The following PDS5B variants were observed in gnomAD, a reference collection of about 807,000 sequenced individuals.
PDS5B encodes sister chromatid cohesion protein PDS5 homolog B.
Under a neutral mutation model 184.1 loss-of-function variants are expected in PDS5B, and 51 were observed. The ratio of observed to expected loss-of-function variants is 0.28; its 90% CI spans 0.22 to 0.35. The LOEUF is 0.35. Ranked by LOEUF, PDS5B falls within the 10% of genes least tolerant of loss-of-function variation. PDS5B has a pLI of 1.00. For missense variants in PDS5B, 1,180 were observed against 1,723.3 expected, an observed-to-expected ratio of 0.68 and a Z score of 5.58; for synonymous variants, 566 against 569.2, an observed-to-expected ratio of 0.99 and a Z score of 0.08.
At position 32,773,270 on chromosome 13, in the gene PDS5B, T is replaced by C; in HGVS notation, c.4254T>C (p.Pro1418=). ...TAGATGTGTTTCAGGGTAGCTCTCCTGTCGATGATATTCCACAGGAAGAAA... is the reference window on the plus strand; with the variant it reads ...TAGATGTGTTTCAGGGTAGCTCTCCCGTCGATGATATTCCACAGGAAGAAA... ...EEVDVFQGSS[P]VDDIPQEETE... The change falls in exon 34 of 35, where the codon CCT becomes CCC. Residue 1418 remains proline (P), a synonymous_variant. Coordinates refer to ENST00000315596, the MANE Select transcript of PDS5B (RefSeq NM_015032.4). 1.9e-6 allele frequency: 3 copies of C among 1,613,342 alleles called. No homozygotes were observed. Among genetic ancestry groups the C allele is most frequent in the Non-Finnish European group, 2.5e-6 (3 of 1,179,564 alleles).
chr13:32,747,368 A>G (rs999799386), intron 24 of PDS5B, among the ~76,000 whole-genome samples: 6 of 151,950 alleles, frequency 3.9e-5, no homozygotes, highest in Admixed American at 2.0e-4. Flanking sequence ...CCACTTATGT[A>G]TAACTCTCTA....
intron 21 of PDS5B, among the ~76,000 whole-genome samples, chr13:32,739,146 A>G (rs562228378): frequency 1.1e-4 from 16 of 152,070 alleles, no homozygotes; most frequent in South Asian, 6.2e-4. Context: ...ACAAAAATCA[A>G]TCCATCTGGA....
At chr13:32,678,092 C>G (rs1212218029) in intron 9 of PDS5B, among the ~76,000 whole-genome samples, 1 of 151,996 alleles carries the variant, frequency 6.6e-6, no homozygotes, top group Non-Finnish European at 1.5e-5. Context: ...AGAGAGGAGC[C>G]TGTTAATTCA....
At chr13:32,608,388 C>T (rs2140502015) in intron 1 of PDS5B, among the ~76,000 whole-genome samples, 1 of 152,246 alleles carries the variant, frequency 6.6e-6, no homozygotes, top group South Asian at 2.1e-4. Flanking sequence ...TAGTCTAACC[C>T]TAAATTACAC....
chr13:32,589,114 A>G (rs895271228), intron 1 of PDS5B, among the ~76,000 whole-genome samples: 1 of 152,222 alleles, frequency 6.6e-6, no homozygotes, highest in African/African-American at 2.4e-5. Flanking sequence ...GTTAGTGTTA[A>G]AGAGCAACAA....
intron 1 of PDS5B, among the ~76,000 whole-genome samples, chr13:32,635,001 CTTT>C (rs4057820): frequency 8.9e-4 from 115 of 129,084 alleles, no homozygotes; most frequent in Admixed American, 1.1e-3. Flanking sequence ...CTTACTGCCT[CTTT>C]TTTTTTTTTT....
intron 1 of PDS5B, among the ~76,000 whole-genome samples, chr13:32,602,484 A>C (rs2057992123): frequency 6.6e-6 from 1 of 152,082 alleles, no homozygotes; most frequent in Non-Finnish European, 1.5e-5. Context: ...CATTTTCTTA[A>C]TCCAGTCTAT....
At chr13:32,758,681 A>C (rs1176996689) in intron 28 of PDS5B, 28 bp downstream of exon 28, 1 of 1,609,172 alleles carries the variant, frequency 6.2e-7, no homozygotes, top group Non-Finnish European at 8.5e-7. Flanking sequence ...TGTTTGTGTA[A>C]GTTGAAATAA....
chr13:32,651,983 T>G lies in PDS5B; in HGVS notation c.288T>G (p.Pro96=). ...DIFRIYAPEA[P]YTSPDKLKDI... is the part of the protein sequence containing the mutation. ...TCAGGATTTATGCTCCTGAAGCTCC[T>G]TACACATCCCCTGATAAACTAAAGG... Residue 96 remains proline, a synonymous_variant, in exon 3 of 35, where the codon CCT becomes CCG. Transcript: ENST00000315596. 1.2e-6 allele frequency: 2 copies of G among 1,612,722 alleles called. No individual in the cohort carries two copies. Among genetic ancestry groups the G allele is most frequent in the Non-Finnish European group, 1.7e-6 (2 of 1,178,798 alleles).
At chr13:32,646,079 GCTGTGGCTTTGACTTC>G (rs1950215087) in intron 1 of PDS5B, among the ~76,000 whole-genome samples, 1 of 152,020 alleles carries the variant, frequency 6.6e-6, no homozygotes, top group Non-Finnish European at 1.5e-5. Context: ...ATCATGGCTT[GCTGTGGCTTTGACTTC>G]CTGGGCTTAA....
chr13:32,593,566 A>G (rs1489408460), intron 1 of PDS5B, among the ~76,000 whole-genome samples: 1 of 152,058 alleles, frequency 6.6e-6, no homozygotes, highest in South Asian at 2.1e-4. Context: ...GTCTTCAACT[A>G]CTGACCTCAG....
chr13:32,772,656 TAAG>T (rs1954829306), intron 33 of PDS5B, among the ~76,000 whole-genome samples: 1 of 152,144 alleles, frequency 6.6e-6, no homozygotes, highest in Admixed American at 6.6e-5. Flanking sequence ...TATACTTTGT[TAAG>T]GAGGTTTACA....
rs1489148936 is a variant in PDS5B, at chr13:32,638,635, CAG to C, written c.-19-10117_-19-10116del. Among the ~76,000 whole-genome samples, 4 of 125,540 alleles carry C rather than the reference CAG, an allele frequency of 3.2e-5. 1 individual carries two copies. In the Admixed American group the frequency reaches 3.4e-4, roughly 11 times the overall value. The allele number at this position is 125,540 out of a possible 152,430, so 82.4% of individuals were successfully genotyped here. The stretch of plus-strand genomic sequence containing the variant: ...TGAATGCCTTCCATCCATCCAATAA[CAG>C]AATATATTTGAATGCTGAGAGAGTA... On this transcript the variant is annotated intron_variant, in intron 1 of 34. Coordinates refer to ENST00000315596, the MANE Select transcript of PDS5B (RefSeq NM_015032.4).
At chr13:32,587,700 C>T (rs1462991611) in intron 1 of PDS5B, among the ~76,000 whole-genome samples, 3 of 152,234 alleles carry the variant, frequency 2.0e-5, no homozygotes, top group Non-Finnish European at 4.4e-5. Context: ...CCACGCGCGT[C>T]TTCAACAGCC....
chr13:32,596,356 G>T (rs1253221308), intron 1 of PDS5B, among the ~76,000 whole-genome samples: 1 of 152,166 alleles, frequency 6.6e-6, no homozygotes. Flanking sequence ...GGGGTTGGAT[G>T]TATCAGTTTT....
chr13:32,667,953 G>C, intron 7 of PDS5B, 109 bp downstream of exon 7: 1 of 525,682 alleles, frequency 1.9e-6, no homozygotes, highest in African/African-American at 2.0e-5. Flanking sequence ...CAACAAATTT[G>C]TGTTGTTTTA....
rs3493 is a variant in PDS5B at position 32,775,230 on chromosome 13, A to G, written c.*178A>G. The G allele has an allele frequency of 3.0e-5, 18 of 595,796 alleles. No homozygotes were observed. The highest frequency in any genetic ancestry group is 2.4e-4 in the South Asian group (11 of 46,740). 36.9% of individuals were successfully genotyped at this position (595,796 alleles called of 1,614,324 possible). ...TTGTGGTCACATGCTTTAGCCATAC[A>G]CATGGTAACATTGACTATGGAGTCT... is the stretch of plus-strand genomic sequence containing the variant. On this transcript the variant is annotated 3_prime_UTR_variant, in exon 35 of 35. Transcript: ENST00000315596.
chr13:32,688,411 A>G, intron 12 of PDS5B, 45 bp from the exon 13 acceptor site: 1 of 937,764 alleles, frequency 1.1e-6, no homozygotes, highest in Middle Eastern at 2.2e-4. Flanking sequence ...CAACTTTAGA[A>G]CATTAGAAAA....
At chr13:32,591,467 A>G (rs1434088262) in intron 1 of PDS5B, among the ~76,000 whole-genome samples, 1 of 152,162 alleles carries the variant, frequency 6.6e-6, no homozygotes, top group Non-Finnish European at 1.5e-5. Context: ...GTTAAGTCAC[A>G]AGCTCTTTTC....
Sources: allele counts gnomAD v4.1 joint callset (sites outside exome capture counted in the v4.1 genomes callset), GRCh38; gene constraint gnomAD v4.1.1; transcripts MANE v1.5; gene names NCBI Gene and HGNC (gene_info 2026-07-23, HGNC 2026-07-21).